SPAG16: variants seen among roughly 807,000 people sequenced by gnomAD.
SPAG16 encodes sperm-associated antigen 16 protein.
In SPAG16, 86 loss-of-function variants were observed where a neutral mutation model predicts 80.4. That is an observed-to-expected ratio of 1.07 (90% confidence interval 0.90 to 1.28). The LOEUF is 1.28. Among genes scored for constraint, SPAG16 ranks in the 50% most tolerant of loss-of-function variants. The pLI is 0.00. For synonymous variants in SPAG16, 294 were observed against 265.9 expected, an observed-to-expected ratio of 1.11 and a Z score of -1.03; for missense variants, 870 against 765.3, an observed-to-expected ratio of 1.14 and a Z score of -1.61.
At chr2:213,947,270 C>A (rs1007400563) in intron 12 of SPAG16, among the ~76,000 whole-genome samples, 5 of 152,070 alleles carry the variant, frequency 3.3e-5, no homozygotes, top group African/African-American at 9.7e-5. Flanking sequence ...TTAAAAAGTG[C>A]AAATTGTTTT....
intron 10 of SPAG16, among the ~76,000 whole-genome samples, chr2:213,662,453 G>A (rs1275427142): frequency 1.3e-5 from 2 of 152,146 alleles, no homozygotes; most frequent in Admixed American, 6.6e-5. Context: ...GCCACGCCAT[G>A]TAGTTGCAAA....
intron 10 of SPAG16, among the ~76,000 whole-genome samples, chr2:213,711,183 G>A (rs964888440): frequency 6.6e-6 from 1 of 152,042 alleles, no homozygotes; most frequent in Non-Finnish European, 1.5e-5. Flanking sequence ...TATTGCCTCA[G>A]TCACTCAATT....
chr2:214,232,464 T>C (rs1688763027), intron 15 of SPAG16, among the ~76,000 whole-genome samples: 1 of 152,006 alleles, frequency 6.6e-6, no homozygotes, highest in Non-Finnish European at 1.5e-5. Context: ...CAGTTAGTCA[T>C]AGAATTGGTA....
At chr2:214,089,387 A>C (rs2052013202) in intron 13 of SPAG16, among the ~76,000 whole-genome samples, 1 of 152,134 alleles carries the variant, frequency 6.6e-6, no homozygotes, top group Non-Finnish European at 1.5e-5. Context: ...CCATCTTCTG[A>C]GAATTTATTC....
At chr2:213,986,452 C>T (rs1324565750) in intron 12 of SPAG16, among the ~76,000 whole-genome samples, 1 of 151,838 alleles carries the variant, frequency 6.6e-6, no homozygotes, top group Non-Finnish European at 1.5e-5. Flanking sequence ...TTCTAAGGGG[C>T]TGTATTTTAG....
intron 12 of SPAG16, among the ~76,000 whole-genome samples, chr2:213,981,429 A>G (rs1490900081): frequency 1.3e-5 from 2 of 152,076 alleles, no homozygotes; most frequent in Admixed American, 1.3e-4. Flanking sequence ...GTATCAATCC[A>G]GACAGTGAGT....
intron 15 of SPAG16, among the ~76,000 whole-genome samples, chr2:214,380,604 T>G (rs2126106680): frequency 6.6e-6 from 1 of 152,368 alleles, no homozygotes; most frequent in South Asian, 2.1e-4. Context: ...AATTTATTTC[T>G]AATTTAAAGA....
intron 15 of SPAG16, among the ~76,000 whole-genome samples, chr2:214,323,622 T>C (rs887273317): frequency 2.6e-5 from 4 of 152,310 alleles, no homozygotes; most frequent in Admixed American, 1.3e-4. Flanking sequence ...GTTGGACTTA[T>C]TGGTGTGGCA....
At chr2:214,004,973 T>G (rs1329587134) in intron 12 of SPAG16, among the ~76,000 whole-genome samples, 1 of 152,232 alleles carries the variant, frequency 6.6e-6, no homozygotes, top group Non-Finnish European at 1.5e-5. Flanking sequence ...TGTTGTTATT[T>G]AATTATGTAA....
At chr2:213,598,955 T>C (rs1047453084) in intron 10 of SPAG16, among the ~76,000 whole-genome samples, 10 of 152,184 alleles carry the variant, frequency 6.6e-5, no homozygotes, top group African/African-American at 2.4e-4. Flanking sequence ...AAGTTGACCT[T>C]TAAAAAGTAT....
intron 15 of SPAG16, among the ~76,000 whole-genome samples, chr2:214,333,766 T>C (rs1171721577): frequency 6.6e-6 from 1 of 151,980 alleles, no homozygotes; most frequent in Admixed American, 6.5e-5. Context: ...CTTTAGAAAA[T>C]TGGCTACACC....
chr2:213,431,193 C>T (rs921129786), intron 9 of SPAG16, among the ~76,000 whole-genome samples: 4 of 151,872 alleles, frequency 2.6e-5, no homozygotes, highest in Admixed American at 6.6e-5. Flanking sequence ...GGTAGCATAA[C>T]AGGACTCCAC....
At chr2:213,392,834 A>C (rs1485900708) in intron 9 of SPAG16, among the ~76,000 whole-genome samples, 2 of 151,704 alleles carry the variant, frequency 1.3e-5, no homozygotes, top group Admixed American at 6.6e-5. Context: ...TGATGGAGCG[A>C]GACTCTGTCT....
intron 10 of SPAG16, among the ~76,000 whole-genome samples, chr2:213,713,025 A>G (rs1435369463): frequency 1.3e-5 from 2 of 152,154 alleles, no homozygotes; most frequent in African/African-American, 4.8e-5. Flanking sequence ...ATCTCTTCAC[A>G]GGGCGGCAGG....
At chr2:213,797,555 A>G (rs2071122368) in intron 10 of SPAG16, among the ~76,000 whole-genome samples, 1 of 152,238 alleles carries the variant, frequency 6.6e-6, no homozygotes, top group African/African-American at 2.4e-5. Context: ...AATAGGCTAG[A>G]CCATATAACC....
rs147222083 is a variant in SPAG16 at position 214,055,021 on chromosome 2, C to A, written c.1527+40944C>A. On this transcript the variant is annotated intron_variant, in intron 13 of 15. Transcript: ENST00000331683. The stretch of plus-strand genomic sequence containing the variant: ...TAAAAGGTAAAAGTGATATTCACAG[C>A]AGGAGTGACACAGCATATAAGGGAA... Among the ~76,000 whole-genome samples, 7 of 152,128 alleles carry A rather than the reference C, an allele frequency of 4.6e-5. No homozygotes were observed. In the South Asian group the frequency reaches 1.4e-3, roughly 31 times the overall value.
chr2:214,178,197 C>G (rs186869934), intron 15 of SPAG16, among the ~76,000 whole-genome samples: 1 of 149,174 alleles, frequency 6.7e-6, no homozygotes, highest in African/African-American at 2.5e-5. Context: ...GAGAATAAAA[C>G]GTTCTTATTT....
chr2:213,787,548 C>T (rs537916832), intron 10 of SPAG16, among the ~76,000 whole-genome samples: 13 of 152,080 alleles, frequency 8.5e-5, no homozygotes, highest in African/African-American at 2.9e-4. Flanking sequence ...TTTTGGATAG[C>T]CATGTAAGTC....
chr2:213,875,146 C>T (rs1228670955), intron 11 of SPAG16, among the ~76,000 whole-genome samples: 1 of 151,732 alleles, frequency 6.6e-6, no homozygotes, highest in Non-Finnish European at 1.5e-5. Flanking sequence ...ACTTTATTGC[C>T]CACGCTGGTC....
Sources: allele counts gnomAD v4.1 joint callset (sites outside exome capture counted in the v4.1 genomes callset), GRCh38; gene constraint gnomAD v4.1.1; transcripts MANE v1.5; gene names NCBI Gene and HGNC (gene_info 2026-07-23, HGNC 2026-07-21).